ADAMTS6: variants seen among roughly 807,000 people sequenced by gnomAD.
ADAMTS6 encodes the protein A disintegrin and metalloproteinase with thrombospondin motifs 6.
Under a neutral mutation model 144.3 loss-of-function variants are expected in ADAMTS6, and 23 were observed. That is an observed-to-expected ratio of 0.16 (90% CI 0.11 to 0.23). ADAMTS6 has a LOEUF of 0.23. Among genes scored for constraint, ADAMTS6 ranks in the 10% least tolerant of loss-of-function variants. The pLI, the probability that ADAMTS6 is intolerant of heterozygous loss-of-function variation, is 1.00. For missense variants in ADAMTS6, 999 were observed against 1,379.6 expected, an observed-to-expected ratio of 0.72 and a Z score of 4.37; for synonymous variants, 444 against 457.5, an observed-to-expected ratio of 0.97 and a Z score of 0.38.
intron 9 of ADAMTS6, among the ~76,000 whole-genome samples, chr5:65,316,711 T>A (rs766014852): frequency 2.4e-4 from 37 of 152,116 alleles, no homozygotes; most frequent in Admixed American, 5.9e-4. Flanking sequence ...CAAAGAAGAT[T>A]TCAGAATAAC....
intron 14 of ADAMTS6, among the ~76,000 whole-genome samples, chr5:65,254,792 A>G (rs1760504180): frequency 6.6e-6 from 1 of 152,236 alleles, no homozygotes; most frequent in Non-Finnish European, 1.5e-5. Flanking sequence ...CCAAAACTTT[A>G]TATTATCATA....
chr5:65,296,184 T>A (rs371200170), intron 10 of ADAMTS6, among the ~76,000 whole-genome samples: 3 of 152,138 alleles, frequency 2.0e-5, no homozygotes, highest in Non-Finnish European at 4.4e-5. Context: ...AAGTTAACAC[T>A]TAATGCCACC....
chr5:65,199,285 G>C (rs966171032), intron 20 of ADAMTS6, among the ~76,000 whole-genome samples: 7 of 152,100 alleles, frequency 4.6e-5, no homozygotes, highest in African/African-American at 1.7e-4. Flanking sequence ...CATTAATTCA[G>C]TTTCCTTGAC....
rs1752129972 is a variant in ADAMTS6 at position 65,151,340 on chromosome 5, TGTG to T, written c.*493_*495del. On this transcript the variant is annotated 3_prime_UTR_variant, in exon 25 of 25. Coordinates refer to ENST00000381055, the MANE Select transcript of ADAMTS6 (RefSeq NM_197941.4). ...TCAAAGCCCGTTTTATAATTTAAAT[TGTG>T]GTGCTGTTGTAGTGAGATAAAGTAC... 6.5e-6 allele frequency: 1 copy of T among 153,092 alleles called. No homozygotes were observed. The allele number at this position is 153,092 out of a possible 1,614,324, so 9.5% of individuals were successfully genotyped here. A position where few individuals can be genotyped will look rare whatever the true frequency, so the allele number is the denominator to read the frequency against.
At chr5:65,299,929 T>G in intron 10 of ADAMTS6, 56 bp downstream of exon 10, 1 of 1,564,946 alleles carries the variant, frequency 6.4e-7, no homozygotes, top group South Asian at 1.2e-5. Flanking sequence ...ATGTTAGGCT[T>G]CTACCAGTGG....
Position 65,262,826 on chromosome 5 carries a change from T to C in ADAMTS6, c.1757A>G (p.Asp586Gly), listed in dbSNP as rs372872640. 27 of 1,531,752 alleles carry C rather than the reference T, an allele frequency of 1.8e-5. No individual in the cohort carries two copies. Among genetic ancestry groups the C allele is most frequent in the Non-Finnish European group, 2.2e-5 (25 of 1,146,436 alleles). 94.9% of individuals were successfully genotyped at this position (1,531,752 alleles called of 1,614,324 possible). A position where few individuals can be genotyped will look rare whatever the true frequency, so the allele number is the denominator to read the frequency against. Residue 586 changes from aspartate (D) to glycine (G), a missense_variant, in exon 13 of 25, where the codon GAC (aspartate) becomes GGC (glycine). Asp to Gly is a moderately conservative substitution (Grantham distance 94). Coordinates refer to ENST00000381055, the MANE Select transcript of ADAMTS6 (RefSeq NM_197941.4). Reference protein sequence around the residue: ...GGVSSSLRHCDSPAPSGGGKY... With the variant: ...GGVSSSLRHCGSPAPSGGGKY... The stretch of plus-strand genomic sequence containing the variant: ...TACTTTAGCTACTTACGCTGGACTG[T>C]CACAGTGTCTTAGGGATGAGGAGAC...
intron 7 of ADAMTS6, among the ~76,000 whole-genome samples, chr5:65,422,255 C>T (rs982586144): frequency 6.6e-6 from 1 of 152,180 alleles, no homozygotes; most frequent in Middle Eastern, 3.2e-3. Context: ...ATTAAAATCA[C>T]AATGAGATAA....
At chr5:65,347,651 C>T (rs759702553) in intron 7 of ADAMTS6, among the ~76,000 whole-genome samples, 69 of 151,818 alleles carry the variant, frequency 4.5e-4, no homozygotes, top group Admixed American at 9.2e-4. Flanking sequence ...AACAGACAAA[C>T]GGGATTATAT....
intron 7 of ADAMTS6, among the ~76,000 whole-genome samples, chr5:65,425,693 A>T (rs1461615018): frequency 1.3e-5 from 2 of 151,990 alleles, no homozygotes; most frequent in Non-Finnish European, 2.9e-5. Context: ...TTATTATCTT[A>T]TTATTAAGAA....
Position 65,367,843 on chromosome 5 carries a change from C to T in ADAMTS6, c.1074-33758G>A, listed in dbSNP as rs532840641. The stretch of plus-strand genomic sequence containing the variant: ...GTTGTATATAAACCAAACAGTACTA[C>T]ATATATATATATCTATATGTATATA... On this transcript the variant is annotated intron_variant, in intron 7 of 24. Coordinates refer to ENST00000381055, the MANE Select transcript of ADAMTS6 (RefSeq NM_197941.4). Among the ~76,000 whole-genome samples the T allele has an allele frequency of 4.0e-5, 6 of 151,186 alleles. No individual in the cohort carries two copies. In the East Asian group the frequency reaches 9.7e-4, roughly 24 times the overall value.
intron 14 of ADAMTS6, among the ~76,000 whole-genome samples, chr5:65,247,785 C>A (rs1389494121): frequency 6.6e-6 from 1 of 152,140 alleles, no homozygotes; most frequent in Non-Finnish European, 1.5e-5. Context: ...CATCTGCTTC[C>A]TTTCTCTACT....
chr5:65,188,294 C>T, intron 21 of ADAMTS6, 74 bp from the exon 22 acceptor site: 2 of 1,393,122 alleles, frequency 1.4e-6, no homozygotes, highest in Non-Finnish European at 2.0e-6. Context: ...TAAGTGAAGG[C>T]ACTTTCACTG....
chr5:65,476,842 T>C (rs1178738184), intron 1 of ADAMTS6, among the ~76,000 whole-genome samples: 1 of 152,100 alleles, frequency 6.6e-6, no homozygotes, highest in Non-Finnish European at 1.5e-5. Flanking sequence ...CTCGATCTCC[T>C]GACATCCTGA....
Position 65,220,500 on chromosome 5 carries a change from T to C in ADAMTS6, c.2272+3820A>G, listed in dbSNP as rs568022083. On this transcript the variant is annotated intron_variant, in intron 18 of 24. Transcript: ENST00000381055. Reference sequence around the variant, plus strand: ...TGGCTCACGCCTGTAATCCCAGCACTTTGGGAGGCCGAAGGGCGGGTGCAT... The same window carrying C: ...TGGCTCACGCCTGTAATCCCAGCACCTTGGGAGGCCGAAGGGCGGGTGCAT... Among the ~76,000 whole-genome samples, 266 of 151,984 alleles carry C rather than the reference T, an allele frequency of 1.8e-3. 1 individual carries two copies. Among genetic ancestry groups the C allele is most frequent in the African/African-American group, 5.6e-3 (234 of 41,466 alleles).
chr5:65,189,972 A>G (rs1323236674), intron 21 of ADAMTS6, among the ~76,000 whole-genome samples: 1 of 152,230 alleles, frequency 6.6e-6, no homozygotes, highest in African/African-American at 2.4e-5. Context: ...CTTAAGAGCA[A>G]ATTTCTCACT....
At position 65,151,706 on chromosome 5, in the gene ADAMTS6, G is replaced by A; in HGVS notation, c.*130C>T. The A allele has an allele frequency of 1.4e-6, 1 of 735,380 alleles. No homozygotes were observed. Among genetic ancestry groups the A allele is most frequent in the African/African-American group, 1.8e-5 (1 of 57,106 alleles). 45.6% of individuals were successfully genotyped at this position (735,380 alleles called of 1,614,324 possible). Reference sequence around the variant, plus strand: ...TATTGAAATTTTGTCAGCTAGGGCTGACCAGTGGTTACGTTTTCCACAGGG... The same window carrying A: ...TATTGAAATTTTGTCAGCTAGGGCTAACCAGTGGTTACGTTTTCCACAGGG... On this transcript the variant is annotated 3_prime_UTR_variant, in exon 25 of 25. Transcript: ENST00000381055.
chr5:65,397,362 T>G (rs930156060), intron 7 of ADAMTS6, among the ~76,000 whole-genome samples: 3 of 152,138 alleles, frequency 2.0e-5, no homozygotes, highest in Admixed American at 1.3e-4. Flanking sequence ...TTACTTTGAG[T>G]TTAATTAGCC....
At chr5:65,382,016 T>A (rs1054526624) in intron 7 of ADAMTS6, among the ~76,000 whole-genome samples, 10 of 152,048 alleles carry the variant, frequency 6.6e-5, no homozygotes, top group Admixed American at 6.6e-4. Context: ...ACTAGAAGAG[T>A]AGATAGCTAG....
Position 65,215,358 on chromosome 5 carries a change from G to A in ADAMTS6, c.2402C>T (p.Ala801Val). The A allele has an allele frequency of 1.2e-6, 2 of 1,614,054 alleles. No homozygotes were observed. The highest frequency in any genetic ancestry group is 1.1e-5 in the South Asian group (1 of 91,072). Residue 801 changes from alanine (A) to valine (V), a missense_variant, in exon 19 of 25, where the codon GCT becomes GTT. Coordinates refer to ENST00000381055, the MANE Select transcript of ADAMTS6 (RefSeq NM_197941.4). ...RPTDEPESLE[A>V]LGPTSENLIV... is the part of the protein sequence containing the mutation. Reference sequence around the variant, plus strand: ...GAGATTTTCTGAGGTAGGACCTAGAGCTTCCAAGGATTCTGGTTCATCAGT... The same window carrying A: ...GAGATTTTCTGAGGTAGGACCTAGAACTTCCAAGGATTCTGGTTCATCAGT...
Sources: gnomAD v4.1 joint callset for allele counts (sites outside exome capture counted in the v4.1 genomes callset) on GRCh38, gnomAD v4.1.1 for gene constraint, MANE v1.5 for transcripts, NCBI Gene and HGNC (gene_info 2026-07-23, HGNC 2026-07-21) for gene names.